Variants in CNBD1 observed in about 807,000 individuals in gnomAD.
CNBD1 encodes the protein cyclic nucleotide binding domain containing 1.
Under a neutral mutation model 54.4 loss-of-function variants are expected in CNBD1, and 71 were observed. That is an observed-to-expected ratio of 1.30 (90% CI 1.08 to 1.59). The LOEUF (loss-of-function observed/expected upper bound fraction) is 1.59. Among genes scored for constraint, CNBD1 ranks in the 40% most tolerant of loss-of-function variants. The pLI, the probability that CNBD1 is intolerant of heterozygous loss-of-function variation, is 0.00. For missense variants in CNBD1, 659 were observed against 518.0 expected (o/e 1.27, Z -2.64); for synonymous variants, 182 against 170.7 (o/e 1.07, Z -0.51).
intron 2 of CNBD1, among the ~76,000 whole-genome samples, chr8:87,409,330 T>G (rs1807701955): frequency 6.6e-6 from 1 of 152,122 alleles, no homozygotes; most frequent in Admixed American, 6.6e-5. Flanking sequence ...AGGTCCTAAC[T>G]GTTCAATTCT....
At chr8:87,010,206 C>T (rs1217967481) in intron 4 of CNBD1, among the ~76,000 whole-genome samples, 1 of 152,116 alleles carries the variant, frequency 6.6e-6, no homozygotes, top group Non-Finnish European at 1.5e-5. Context: ...ATTCTTCCTA[C>T]CTTTTTCCCC....
chr8:86,905,462 G>A (rs532979442), intron 3 of CNBD1, among the ~76,000 whole-genome samples: 2 of 152,256 alleles, frequency 1.3e-5, no homozygotes, highest in South Asian at 2.1e-4. Context: ...GAACGGCAGT[G>A]TTTATGAAAG....
chr8:86,866,818 C>G (rs1305358479), intron 1 of CNBD1, among the ~76,000 whole-genome samples: 1 of 152,138 alleles, frequency 6.6e-6, no homozygotes, highest in Non-Finnish European at 1.5e-5. Flanking sequence ...TCTTTACGAA[C>G]TCTTAGAGCT....
chr8:87,104,480 G>A (rs1385031486), intron 4 of CNBD1, among the ~76,000 whole-genome samples: 1 of 152,242 alleles, frequency 6.6e-6, no homozygotes, highest in African/African-American at 2.4e-5. Context: ...TTGGTATGGA[G>A]ACAAAACTGG....
At chr8:87,243,220 A>G (rs1345253263) in intron 6 of CNBD1, among the ~76,000 whole-genome samples, 1 of 152,226 alleles carries the variant, frequency 6.6e-6, no homozygotes. Flanking sequence ...GCATTGATAA[A>G]TGGTGGATCC....
intron 4 of CNBD1, among the ~76,000 whole-genome samples, chr8:86,967,769 T>C (rs1030331826): frequency 1.3e-5 from 2 of 152,076 alleles, no homozygotes; most frequent in Admixed American, 1.3e-4. Context: ...AACATTCCTG[T>C]CATATCTCAC....
At chr8:87,380,485 G>A (rs1166439703) in intron 10 of CNBD1, among the ~76,000 whole-genome samples, 1 of 151,794 alleles carries the variant, frequency 6.6e-6, no homozygotes. Flanking sequence ...TCTGCAGATT[G>A]ATTTGGTTAT....
At chr8:87,317,883 G>T (rs79449138) in intron 8 of CNBD1, among the ~76,000 whole-genome samples, 1 of 104,204 alleles carries the variant, frequency 9.6e-6, no homozygotes, top group South Asian at 2.6e-4. Context: ...TAATATGTAT[G>T]TGTATATACT....
chr8:86,883,487 A>G (rs901702350), intron 1 of CNBD1, among the ~76,000 whole-genome samples: 2 of 152,208 alleles, frequency 1.3e-5, no homozygotes, highest in African/African-American at 2.4e-5. Context: ...AAGAGAAGAC[A>G]AGGGTAATGA....
chr8:87,388,433 C>A (rs976283077), intron 2 of CNBD1, among the ~76,000 whole-genome samples: 1 of 152,030 alleles, frequency 6.6e-6, no homozygotes, highest in Admixed American at 6.6e-5. Context: ...CCACCGATCC[C>A]ACAGAAATAC....
chr8:87,181,234 T>C (rs1813304759), intron 4 of CNBD1, among the ~76,000 whole-genome samples: 1 of 152,194 alleles, frequency 6.6e-6, no homozygotes, highest in African/African-American at 2.4e-5. Context: ...TTTCTTAAGT[T>C]ATGAATACAC....
At chr8:86,909,434 T>C (rs1260144046) in intron 3 of CNBD1, among the ~76,000 whole-genome samples, 2 of 152,214 alleles carry the variant, frequency 1.3e-5, no homozygotes, top group Non-Finnish European at 2.9e-5. Flanking sequence ...CTGAGAATAG[T>C]GCAGTTAAAG....
At chr8:86,878,286 G>C (rs771556684) in intron 1 of CNBD1, among the ~76,000 whole-genome samples, 1 of 152,036 alleles carries the variant, frequency 6.6e-6, no homozygotes, top group African/African-American at 2.4e-5. Flanking sequence ...TTAAATAGTG[G>C]TTATTTTTTG....
At chr8:87,394,853 A>C (rs1811380770) in intron 2 of CNBD1, among the ~76,000 whole-genome samples, 1 of 151,868 alleles carries the variant, frequency 6.6e-6, no homozygotes, top group African/African-American at 2.4e-5. Flanking sequence ...GGTATTTTAC[A>C]CTATTTTTTA....
chr8:87,334,338 C>T (rs1809898341), intron 8 of CNBD1, among the ~76,000 whole-genome samples: 1 of 151,984 alleles, frequency 6.6e-6, no homozygotes, highest in Non-Finnish European at 1.5e-5. Flanking sequence ...CTCCTGGATT[C>T]ATTGATTTTT....
At chr8:87,133,371 T>A (rs958366807) in intron 4 of CNBD1, among the ~76,000 whole-genome samples, 2 of 152,198 alleles carry the variant, frequency 1.3e-5, no homozygotes, top group Admixed American at 1.3e-4. Context: ...TTCTAAAATA[T>A]TAACCTTTGA....
intron 1 of CNBD1, among the ~76,000 whole-genome samples, chr8:86,876,872 G>A (rs911418064): frequency 2.0e-5 from 3 of 151,820 alleles, no homozygotes; most frequent in African/African-American, 7.2e-5. Context: ...TGACAACAAA[G>A]GGAAGTTATT....
chr8:87,275,256 G>A (rs1011665892), intron 6 of CNBD1, among the ~76,000 whole-genome samples: 3 of 137,874 alleles, frequency 2.2e-5, no homozygotes, highest in African/African-American at 8.7e-5. Context: ...TGGTGATGCG[G>A]GCTCTTTTTT....
intron 4 of CNBD1, among the ~76,000 whole-genome samples, chr8:87,028,954 A>C (rs1353303767): frequency 6.6e-6 from 1 of 152,226 alleles, no homozygotes. Context: ...AACACTTGTT[A>C]CATTTTGACT....
Sources: allele counts gnomAD v4.1 joint callset (sites outside exome capture counted in the v4.1 genomes callset), GRCh38; gene constraint gnomAD v4.1.1; transcripts MANE v1.5; gene names NCBI Gene and HGNC (gene_info 2026-07-23, HGNC 2026-07-21).